SPAG17: variants seen among roughly 807,000 people sequenced by gnomAD.
SPAG17 encodes the protein sperm-associated antigen 17.
A neutral mutation model predicts 273.6 loss-of-function variants in SPAG17; 169 were observed. The observed-to-expected ratio is 0.62, with a 90% CI of 0.55 to 0.70. The LOEUF is 0.70. Ranked by LOEUF, SPAG17 falls within the 30% of genes least tolerant of loss-of-function variation. The pLI, the probability that SPAG17 is intolerant of heterozygous loss-of-function variation, is 0.00. For synonymous variants in SPAG17, 825 were observed against 873.2 expected, an observed-to-expected ratio of 0.94 and a Z score of 0.97; for missense variants, 2,557 against 2,627.8, an observed-to-expected ratio of 0.97 and a Z score of 0.59.
intron 32 of SPAG17, among the ~76,000 whole-genome samples, chr1:118,003,110 T>A (rs1327840154): frequency 1.3e-5 from 2 of 152,216 alleles, no homozygotes; most frequent in Non-Finnish European, 2.9e-5. Context: ...GATATGAAAT[T>A]TGGGGTTGAA....
chr1:117,960,383 A>C (rs1652905575), intron 48 of SPAG17: 1 of 152,176 alleles, frequency 6.6e-6, no homozygotes, highest in African/African-American at 2.4e-5. Context: ...TTACTTAGAA[A>C]ATCATAAGGA....
chr1:118,031,970 T>A (rs1648528289), intron 24 of SPAG17, 103 bp from the exon 25 acceptor site: 2 of 868,888 alleles, frequency 2.3e-6, no homozygotes, highest in African/African-American at 3.4e-5. Context: ...TTGACAACAA[T>A]TTTTACCTTG....
At chr1:118,070,081 G>A (rs554911694) in intron 17 of SPAG17, among the ~76,000 whole-genome samples, 9 of 152,190 alleles carry the variant, frequency 5.9e-5, no homozygotes, top group South Asian at 2.1e-4. Context: ...ACTCTCTAAC[G>A]CCTCATTAAA....
chr1:118,112,953 G>T (rs1166196517), intron 4 of SPAG17, among the ~76,000 whole-genome samples: 2 of 151,948 alleles, frequency 1.3e-5, no homozygotes, highest in African/African-American at 4.8e-5. Flanking sequence ...AGTTTTGATT[G>T]ATTAAAACAG....
chr1:118,122,745 C>CA (rs1338151033), intron 3 of SPAG17, among the ~76,000 whole-genome samples: 1 of 152,158 alleles, frequency 6.6e-6, no homozygotes, highest in Non-Finnish European at 1.5e-5. Context: ...TGAGATGACC[C>CA]ATGTAAATAC....
chr1:117,963,366 CTTT>C (rs1202876471), intron 48 of SPAG17: 6 of 141,384 alleles, frequency 4.2e-5, no homozygotes, highest in Non-Finnish European at 6.2e-5. Context: ...CAAATATTTT[CTTT>C]TTTTTTTTTT....
chr1:118,101,780 TA>T lies in SPAG17; in HGVS notation c.593del (p.Leu198Ter). 6.2e-7 allele frequency: 1 copy of T among 1,614,054 alleles called. No individual in the cohort carries two copies. Among genetic ancestry groups the T allele is most frequent in the Non-Finnish European group, 8.5e-7 (1 of 1,179,968 alleles). On this transcript the variant is annotated frameshift_variant, in exon 5 of 49. Coordinates refer to ENST00000336338, the MANE Select transcript of SPAG17 (RefSeq NM_206996.4). LOFTEE classifies it high-confidence loss of function. ...ANAPVKKTTQ[L>X]KRRGEDDHTN... is the part of the protein sequence containing the mutation. ...TGTGGTCGTCTTCTCCTCTCCGCTT[TA>T]ACTGGGTGGTCTTTTTCACTGGTGC...
Position 118,081,577 on chromosome 1 carries a change from A to G in SPAG17, c.1828T>C (p.Ser610Pro). Residue 610 changes from serine to proline, a missense_variant, in exon 14 of 49, where the codon TCT becomes CCT. Transcript: ENST00000336338. Reference protein sequence around the residue: ...KVFTFESLKLSEVDEKGKLKP... With the variant: ...KVFTFESLKLPEVDEKGKLKP... ...AGTTTCCCTTTTTCATCAACCTCAG[A>G]GAGCTTCAGGCTCTCAAAAGTAAAC... is the stretch of plus-strand genomic sequence containing the variant. 1 of 1,614,044 alleles carries G rather than the reference A, an allele frequency of 6.2e-7. No individual in the cohort carries two copies. Among genetic ancestry groups the G allele is most frequent in the Non-Finnish European group, 8.5e-7 (1 of 1,179,988 alleles).
chr1:118,026,695 C>G (rs1647786938), intron 26 of SPAG17, among the ~76,000 whole-genome samples: 1 of 152,040 alleles, frequency 6.6e-6, no homozygotes, highest in African/African-American at 2.4e-5. Flanking sequence ...CCATCCAGCA[C>G]TAAGGACGCA....
Position 118,040,804 on chromosome 1 carries a change from AT to A in SPAG17, c.3091del (p.Ile1031SerfsTer32). 1 of 1,600,920 alleles carries A rather than the reference AT, an allele frequency of 6.2e-7. No homozygotes were observed. Among genetic ancestry groups the A allele is most frequent in the Middle Eastern group, 1.7e-4 (1 of 6,044 alleles). On this transcript the variant is annotated frameshift_variant, in exon 22 of 49. Coordinates refer to ENST00000336338, the MANE Select transcript of SPAG17 (RefSeq NM_206996.4). LOFTEE classifies it high-confidence loss of function. ...ATACAGGTAGTAATTTGACCCTGAG[AT>A]TTGAGTGGGTATATTTCCCATATTG... The part of the protein sequence containing the change: ...GYNMGNIPTQ[I>X]SGSNYYLYPS...
chr1:118,133,882 G>A (rs1658195924), intron 3 of SPAG17, among the ~76,000 whole-genome samples: 1 of 152,092 alleles, frequency 6.6e-6, no homozygotes. Flanking sequence ...TTATCTCAAG[G>A]AGTCTGAAAA....
At chr1:118,066,673 C>A (rs1046791792) in intron 18 of SPAG17, 72 bp downstream of exon 18, 1 of 1,343,884 alleles carries the variant, frequency 7.4e-7, no homozygotes, top group African/African-American at 1.4e-5. Context: ...GAACTAACAC[C>A]TAAGTAACTA....
intron 4 of SPAG17, among the ~76,000 whole-genome samples, chr1:118,110,655 G>A (rs575907205): frequency 6.6e-6 from 1 of 152,154 alleles, no homozygotes; most frequent in Non-Finnish European, 1.5e-5. Flanking sequence ...CCTCCTTGGT[G>A]AGTTTTGTTC....
chr1:118,091,807 T>G, intron 9 of SPAG17, 89 bp from the exon 10 acceptor site: 1 of 1,312,636 alleles, frequency 7.6e-7, no homozygotes, highest in Non-Finnish European at 1.1e-6. Context: ...AAACTATGAC[T>G]ATGCACTAAT....
At chr1:118,108,710 T>A (rs1656567117) in intron 4 of SPAG17, among the ~76,000 whole-genome samples, 1 of 152,134 alleles carries the variant, frequency 6.6e-6, no homozygotes, top group Non-Finnish European at 1.5e-5. Flanking sequence ...ATTACTTTTT[T>A]TTTTTTTTAA....
At chr1:118,063,641 A>C (rs909376615) in intron 18 of SPAG17, among the ~76,000 whole-genome samples, 1 of 152,196 alleles carries the variant, frequency 6.6e-6, no homozygotes, top group Non-Finnish European at 1.5e-5. Context: ...CCTAGAAGAA[A>C]ACCTAGGCAA....
At chr1:118,043,352 C>T (rs757022495) in intron 20 of SPAG17, among the ~76,000 whole-genome samples, 1 of 152,142 alleles carries the variant, frequency 6.6e-6, no homozygotes, top group African/African-American at 2.4e-5. Context: ...CTCACATTAA[C>T]TTAAAAGAGA....
intron 48 of SPAG17, chr1:117,959,354 T>C: frequency 3.7e-6 from 6 of 1,613,634 alleles, no homozygotes; most frequent in Non-Finnish European, 5.1e-6. Context: ...AGGCAAAAAG[T>C]GAAGTTATGT....
At chr1:117,964,062 C>T in intron 47 of SPAG17, 124 bp from the exon 48 acceptor site, 1 of 1,083,458 alleles carries the variant, frequency 9.2e-7, no homozygotes, top group Non-Finnish European at 1.3e-6. Flanking sequence ...AGGTAACTGT[C>T]TATCCAATGC....
Sources: allele counts gnomAD v4.1 joint callset (sites outside exome capture counted in the v4.1 genomes callset), GRCh38; gene constraint gnomAD v4.1.1; transcripts MANE v1.5; gene names NCBI Gene and HGNC (gene_info 2026-07-23, HGNC 2026-07-21).